FAAH2: variants seen among roughly 807,000 people sequenced by gnomAD.
The protein encoded by FAAH2 is fatty acid amide hydrolase 2.
FAAH2 carries 60 observed loss-of-function variants against 36.9 expected under a neutral mutation model. The observed-to-expected ratio is 1.63, with a 90% CI of 1.32 to 2.02. FAAH2 has a LOEUF of 2.02. Ranked by LOEUF, FAAH2 falls within the 30% of genes most tolerant of loss-of-function variation. The pLI, the probability that FAAH2 is intolerant of heterozygous loss-of-function variation, is 0.00. For synonymous variants in FAAH2, 214 were observed against 143.8 expected (o/e 1.49, Z -3.49); for missense variants, 689 against 397.5 (o/e 1.73, Z -6.23).
chrX:57,460,722 A>G (rs2056943245), intron 10 of FAAH2, among the ~76,000 whole-genome samples: 1 of 111,903 alleles, frequency 8.9e-6, no homozygotes, highest in South Asian at 3.7e-4. Context: ...GACCAATGAC[A>G]CTATGAAGAA....
At chrX:57,173,663 C>A in the FAAH2 span, among the ~76,000 whole-genome samples, 1 of 111,537 alleles carries the variant, frequency 9.0e-6, no homozygotes, top group Non-Finnish European at 1.9e-5. Context: ...TTAGGGGGAA[C>A]GTTTACAACT....
At chrX:57,248,108 A>G in the FAAH2 span, among the ~76,000 whole-genome samples, 1 of 112,214 alleles carries the variant, frequency 8.9e-6, no homozygotes, top group Non-Finnish European at 1.9e-5. Flanking sequence ...CATTCTAGAG[A>G]AGAACATATA....
the FAAH2 span, among the ~76,000 whole-genome samples, chrX:57,242,628 G>A: frequency 9.0e-6 from 1 of 111,498 alleles, no homozygotes; most frequent in South Asian, 3.8e-4. Flanking sequence ...ACAGGGTGGG[G>A]CATCACCTCA....
intron 7 of FAAH2, chrX:57,394,724 C>A (rs2055251919): frequency 1.2e-6 from 1 of 865,593 alleles, no homozygotes; most frequent in South Asian, 2.0e-5. Context: ...CAGTTGATGA[C>A]TATTGCTAGG....
chrX:57,406,916 G>A (rs1197241598), intron 7 of FAAH2, among the ~76,000 whole-genome samples: 2 of 112,764 alleles, frequency 1.8e-5, no homozygotes, highest in Admixed American at 1.9e-4. Flanking sequence ...GAAAAGCCTT[G>A]GCTGCATCTG....
intron 3 of FAAH2, among the ~76,000 whole-genome samples, chrX:57,318,133 GC>G (rs1376133964): frequency 9.0e-6 from 1 of 111,280 alleles, no homozygotes; most frequent in Non-Finnish European, 1.9e-5. Flanking sequence ...AAATTCAAAA[GC>G]TAGCAGAAGA....
the FAAH2 span, among the ~76,000 whole-genome samples, chrX:57,151,462 T>G: frequency 2.7e-5 from 3 of 111,582 alleles, no homozygotes; most frequent in Non-Finnish European, 3.8e-5. Flanking sequence ...GTTCATTTCT[T>G]TTTATTCTTT....
At chrX:57,307,004 T>TATATATATATATATATATATATATAC (rs2052560402) in intron 2 of FAAH2, among the ~76,000 whole-genome samples, 1 of 59,988 alleles carries the variant, frequency 1.7e-5, no homozygotes, top group South Asian at 1.2e-3. Context: ...GATACATATA[T>TATATATATATATATATATATATATAC]ATATATATAT....
intron 3 of FAAH2, among the ~76,000 whole-genome samples, chrX:57,322,796 T>C (rs2053069487): frequency 1.3e-5 from 1 of 79,428 alleles, no homozygotes; most frequent in Non-Finnish European, 2.5e-5. Flanking sequence ...CTGCTGCTAA[T>C]GCTTGTGATT....
intron 10 of FAAH2, among the ~76,000 whole-genome samples, chrX:57,468,972 C>A (rs1249053004): frequency 9.0e-6 from 1 of 111,622 alleles, no homozygotes; most frequent in Non-Finnish European, 1.9e-5. Context: ...GAATTTTCAA[C>A]CCAGAATTTC....
intron 7 of FAAH2, chrX:57,393,648 C>T (rs755384844): frequency 8.2e-5 from 79 of 959,082 alleles, no homozygotes; most frequent in Admixed American, 1.1e-4. Flanking sequence ...TCAGCACTGA[C>T]GGGGTCTCCT....
chrX:57,146,599 A>T, the FAAH2 span, among the ~76,000 whole-genome samples: 4 of 111,939 alleles, frequency 3.6e-5, no homozygotes, highest in African/African-American at 1.3e-4. Flanking sequence ...TTCCAGTACT[A>T]TGTTGAACAG....
At chrX:57,249,390 G>C in the FAAH2 span, among the ~76,000 whole-genome samples, 2 of 111,859 alleles carry the variant, frequency 1.8e-5, no homozygotes, top group African/African-American at 6.5e-5. Flanking sequence ...AATAATGAAG[G>C]CATTCTTACA....
chrX:57,476,149 C>G (rs947415979), intron 10 of FAAH2, among the ~76,000 whole-genome samples: 2 of 111,448 alleles, frequency 1.8e-5, no homozygotes, highest in African/African-American at 6.5e-5. Flanking sequence ...CAAACAGAGA[C>G]AATTTGACTT....
chrX:57,324,122 G>C lies in FAAH2; in HGVS notation c.413-7476G>C, dbSNP rs181397806. Among the ~76,000 whole-genome samples, 40 of 109,775 alleles carry C rather than the reference G, an allele frequency of 3.6e-4. 1 individual carries two copies. The highest frequency in any genetic ancestry group is 3.5e-3 in the Admixed American group (36 of 10,332). On this transcript the variant is annotated intron_variant, in intron 3 of 10. Transcript: ENST00000374900. ...AATCCTTTCCCCATTGCTTGTTTTT[G>C]TCAGGTTTGTCAAAGATCATATGTT...
intron 7 of FAAH2, among the ~76,000 whole-genome samples, chrX:57,396,904 G>A (rs904746709): frequency 4.5e-5 from 5 of 111,519 alleles, no homozygotes; most frequent in African/African-American, 9.8e-5. Context: ...TCCTGCCTTC[G>A]TGATCTGTCT....
At chrX:57,453,361 C>T (rs1602716175) in intron 10 of FAAH2, among the ~76,000 whole-genome samples, 1 of 112,652 alleles carries the variant, frequency 8.9e-6, no homozygotes, top group East Asian at 2.8e-4. Flanking sequence ...ACAACAATGC[C>T]CACCTCTGCC....
At chrX:57,456,269 T>G (rs1016232752) in intron 10 of FAAH2, among the ~76,000 whole-genome samples, 1 of 112,020 alleles carries the variant, frequency 8.9e-6, no homozygotes, top group Non-Finnish European at 1.9e-5. Flanking sequence ...GAGACACAGC[T>G]TACCAAATCT....
At chrX:57,404,599 C>T (rs757549453) in intron 7 of FAAH2, among the ~76,000 whole-genome samples, 1 of 111,692 alleles carries the variant, frequency 9.0e-6, no homozygotes, top group East Asian at 2.8e-4. Context: ...ACAAGACTCC[C>T]TGGGTTCATA....
Sources: allele counts gnomAD v4.1 joint callset (sites outside exome capture counted in the v4.1 genomes callset), GRCh38; gene constraint gnomAD v4.1.1; transcripts MANE v1.5; gene names NCBI Gene and HGNC (gene_info 2026-07-23, HGNC 2026-07-21).